Variants in TSHZ1 observed in about 807,000 individuals in gnomAD.
TSHZ1 encodes teashirt homolog 1.
Under a neutral mutation model 67.1 loss-of-function variants are expected in TSHZ1, and 12 were observed. That is an observed-to-expected ratio of 0.18 (90% CI 0.11 to 0.29). TSHZ1 has a LOEUF of 0.29. Among genes scored for constraint, TSHZ1 ranks in the 10% least tolerant of loss-of-function variants. The pLI, the probability that TSHZ1 is intolerant of heterozygous loss-of-function variation, is 1.00. For missense variants in TSHZ1, 1,305 were observed against 1,413.9 expected (o/e 0.92, Z 1.23); for synonymous variants, 632 against 622.4 (o/e 1.02, Z -0.23).
intron 1 of TSHZ1, among the ~76,000 whole-genome samples, chr18:75,233,317 G>A (rs1468814251): frequency 2.0e-5 from 3 of 152,186 alleles, no homozygotes; most frequent in South Asian, 2.1e-4. Flanking sequence ...GGGGGAATTT[G>A]GAATTAGTAT....
At position 75,258,499 on chromosome 18, in the gene TSHZ1, C is replaced by G. The variant is rs554352361; in HGVS notation, c.41-26949C>G. Among the ~76,000 whole-genome samples the G allele has an allele frequency of 4.6e-5, 7 of 152,212 alleles. No homozygotes were observed. The East Asian group carries it at 1.4e-3, about 29-fold the overall frequency. On this transcript the variant is annotated intron_variant, in intron 1 of 1. Coordinates refer to ENST00000580243, the MANE Select transcript of TSHZ1 (RefSeq NM_001308210.2). ...AATGCAAGAAACTAAGCTTTACAGG[C>G]CTCATTTAAGAAAAATAAAGATTTC...
At chr18:75,237,012 T>C (rs2023081155) in intron 1 of TSHZ1, among the ~76,000 whole-genome samples, 1 of 152,192 alleles carries the variant, frequency 6.6e-6, no homozygotes, top group African/African-American at 2.4e-5. Flanking sequence ...TGGCGGGGAA[T>C]AGCAGTGGGC....
intron 1 of TSHZ1, chr18:75,284,585 C>A: frequency 6.6e-6 from 1 of 152,382 alleles, no homozygotes. Context: ...CGCCACCACT[C>A]TGCTTTCTTT....
intron 1 of TSHZ1, among the ~76,000 whole-genome samples, chr18:75,227,032 T>A (rs776971142): frequency 1.3e-5 from 2 of 152,162 alleles, no homozygotes; most frequent in Non-Finnish European, 2.9e-5. Context: ...GGACACCCCA[T>A]GGAGTCCCGG....
chr18:75,246,446 CAGAG>C (rs1311455380), intron 1 of TSHZ1, among the ~76,000 whole-genome samples: 19 of 50,444 alleles, frequency 3.8e-4, no homozygotes, highest in Non-Finnish European at 6.3e-4. Flanking sequence ...GTGTGTGTGT[CAGAG>C]AGAAAGAGAG....
At chr18:75,265,789 C>T (rs573421631) in intron 1 of TSHZ1, among the ~76,000 whole-genome samples, 2 of 152,016 alleles carry the variant, frequency 1.3e-5, no homozygotes, top group African/African-American at 2.4e-5. Flanking sequence ...TTTTCTTGTC[C>T]GATGATGAAT....
intron 1 of TSHZ1, among the ~76,000 whole-genome samples, chr18:75,265,341 G>A (rs2023477731): frequency 6.7e-6 from 1 of 150,174 alleles, no homozygotes; most frequent in African/African-American, 2.5e-5. Flanking sequence ...ATTTGATTTG[G>A]GCTGCGTCCT....
rs553415608 is a variant in TSHZ1 at position 75,289,117 on chromosome 18, A to T, written c.*476A>T. ...AAAGGCTTAAAGGCATTTCATTCAGATCAAAAGCTGTGTCAGACACAAAAC... is the reference window on the plus strand; with the variant it reads ...AAAGGCTTAAAGGCATTTCATTCAGTTCAAAAGCTGTGTCAGACACAAAAC... On this transcript the variant is annotated 3_prime_UTR_variant, in exon 2 of 2. Transcript: ENST00000580243. 1 of 167,340 alleles carries T rather than the reference A, an allele frequency of 6.0e-6. No individual in the cohort carries two copies. The highest frequency in any genetic ancestry group is 2.1e-4 in the South Asian group (1 of 4,818). The allele number at this position is 167,340 out of a possible 1,614,324, so 10.4% of individuals were successfully genotyped here.
intron 1 of TSHZ1, among the ~76,000 whole-genome samples, chr18:75,275,003 C>T (rs577567263): frequency 2.6e-5 from 4 of 152,268 alleles, no homozygotes; most frequent in Non-Finnish European, 4.4e-5. Context: ...AATTTCTGTC[C>T]GTAGCCACTT....
chr18:75,268,891 T>C (rs1177169784), intron 1 of TSHZ1, among the ~76,000 whole-genome samples: 1 of 152,182 alleles, frequency 6.6e-6, no homozygotes, highest in Non-Finnish European at 1.5e-5. Context: ...GAGTGGCTGT[T>C]TTTCCCTTTT....
At chr18:75,211,972 G>C (rs2122505165) in intron 1 of TSHZ1, 56 bp downstream of exon 1, 1 of 1,187,994 alleles carries the variant, frequency 8.4e-7, no homozygotes, top group East Asian at 3.5e-5. Flanking sequence ...AGCAGGAGGA[G>C]GGGGCTTCGC....
rs536702258 is a variant in TSHZ1, at chr18:75,231,049, G to A, written c.40+19133G>A. ...TGCATCCCAGGCTGGAGGCCAGCCT[G>A]ATGGTGTTTTTGGGTTGGCTGTGGG... On this transcript the variant is annotated intron_variant, in intron 1 of 1. Coordinates refer to ENST00000580243, the MANE Select transcript of TSHZ1 (RefSeq NM_001308210.2). 2.0e-5 allele frequency among the ~76,000 whole-genome samples: 3 copies of A among 152,260 alleles called. No homozygotes were observed. The South Asian group carries it at 6.2e-4, about 32-fold the overall frequency.
chr18:75,265,264 T>A (rs17056760), intron 1 of TSHZ1, among the ~76,000 whole-genome samples: 3,097 of 152,352 alleles, frequency 0.02, 83 homozygotes, highest in African/African-American at 0.064. Flanking sequence ...CTTTGGCTCG[T>A]CATGTATGTG....
chr18:75,244,654 A>G (rs1041997699), intron 1 of TSHZ1: 3 of 152,210 alleles, frequency 2.0e-5, no homozygotes, highest in African/African-American at 7.2e-5. Context: ...TTGCTCTGCC[A>G]ATCTTGAGTC....
chr18:75,222,277 A>T (rs896200262), intron 1 of TSHZ1, among the ~76,000 whole-genome samples: 3 of 151,840 alleles, frequency 2.0e-5, no homozygotes, highest in African/African-American at 7.3e-5. Context: ...TCAATTTAAA[A>T]TCAGTAATGA....
intron 1 of TSHZ1, among the ~76,000 whole-genome samples, chr18:75,235,739 G>A (rs1407777872): frequency 2.0e-5 from 3 of 152,154 alleles, no homozygotes; most frequent in Non-Finnish European, 4.4e-5. Context: ...TGAAATAAAT[G>A]TTATCAGGAT....
intron 1 of TSHZ1, among the ~76,000 whole-genome samples, chr18:75,277,313 G>A (rs1401621296): frequency 6.6e-6 from 1 of 152,208 alleles, no homozygotes; most frequent in Non-Finnish European, 1.5e-5. Context: ...AGCTAAGCAG[G>A]TTCCCATAGC....
At position 75,286,558 on chromosome 18, in the gene TSHZ1, A is replaced by G. The variant is rs759524342; in HGVS notation, c.1151A>G (p.Lys384Arg). The G allele has an allele frequency of 6.2e-7, 1 of 1,614,198 alleles. No individual in the cohort carries two copies. The highest frequency in any genetic ancestry group is 8.5e-7 in the Non-Finnish European group (1 of 1,180,044). ...VALSESAKDQ[K>R]AANPYVTPNN... ...CTGAGTGAGTCAGCCAAGGATCAGA[A>G]AGCAGCGAACCCGTACGTCACGCCC... is the stretch of plus-strand genomic sequence containing the variant. Residue 384 changes from lysine (K) to arginine (R), a missense_variant, in exon 2 of 2, where the codon AAA becomes AGA. Physicochemically the swap from Lys to Arg is conservative, Grantham distance 26. Transcript: ENST00000580243. The surrounding 1 kb of genome is among the most constrained non-coding windows in gnomAD (Gnocchi z 5.1).
chr18:75,287,806 G>T lies in TSHZ1; in HGVS notation c.2399G>T (p.Arg800Leu). 6.2e-7 allele frequency: 1 copy of T among 1,614,088 alleles called. No individual in the cohort carries two copies. Among genetic ancestry groups the T allele is most frequent in the South Asian group, 1.1e-5 (1 of 91,082 alleles). Reference protein sequence around the residue: ...TPVKQADAIDRYYYENSDQPI... With the variant: ...TPVKQADAIDLYYYENSDQPI... ...GTGAAGCAGGCCGATGCCATCGACC[G>T]CTACTATTATGAAAACAGCGACCAG... The change falls in exon 2 of 2, where the codon CGC becomes CTC. Residue 800 changes from arginine to leucine, a missense_variant. Arg to Leu is a moderately radical substitution (Grantham distance 102). Transcript: ENST00000580243. This position sits in a 1 kb window ranked among gnomAD's most constrained non-coding sequence, Gnocchi z 5.0.
Sources: allele counts gnomAD v4.1 joint callset (sites outside exome capture counted in the v4.1 genomes callset), GRCh38; gene constraint gnomAD v4.1.1; non-coding constraint Gnocchi (gnomAD v3.1); transcripts MANE v1.5; gene names NCBI Gene and HGNC (gene_info 2026-07-23, HGNC 2026-07-21).